INPP4B: variants seen among roughly 807,000 people sequenced by gnomAD.
INPP4B encodes inositol polyphosphate 4-phosphatase type II.
In INPP4B, 55 loss-of-function variants were observed where a neutral mutation model predicts 122.5. That is an observed-to-expected ratio of 0.45 (90% CI 0.36 to 0.56). The LOEUF (loss-of-function observed/expected upper bound fraction) is 0.56, where lower values mean the gene tolerates loss of function less well. Among genes scored for constraint, INPP4B ranks in the 20% least tolerant of loss-of-function variants. The pLI, the probability that INPP4B is intolerant of heterozygous loss-of-function variation, is 0.00. For missense variants in INPP4B, 1,000 were observed against 1,097.7 expected (o/e 0.91, Z 1.26); for synonymous variants, 403 against 388.7 (o/e 1.04, Z -0.43).
At chr4:142,478,440 T>C (rs1820083842) in intron 2 of INPP4B, among the ~76,000 whole-genome samples, 1 of 152,196 alleles carries the variant, frequency 6.6e-6, no homozygotes, top group East Asian at 1.9e-4. Context: ...GGTATTATTT[T>C]ATTATTTTTA....
At chr4:142,553,750 C>T (rs1277365135) in intron 2 of INPP4B, among the ~76,000 whole-genome samples, 1 of 152,184 alleles carries the variant, frequency 6.6e-6, no homozygotes, top group South Asian at 2.1e-4. Context: ...TTCCTGGTCC[C>T]AACCCCCAAA....
chr4:142,508,945 ATAAT>A (rs1286234676), intron 2 of INPP4B, among the ~76,000 whole-genome samples: 1 of 152,194 alleles, frequency 6.6e-6, no homozygotes, highest in Non-Finnish European at 1.5e-5. Flanking sequence ...TCGGCTATAA[ATAAT>A]TAGACTCCTA....
chr4:142,147,598 G>A (rs1811488011), intron 17 of INPP4B, among the ~76,000 whole-genome samples: 1 of 152,152 alleles, frequency 6.6e-6, no homozygotes, highest in Non-Finnish European at 1.5e-5. Flanking sequence ...GCCAAATGCT[G>A]TGTTTTCTAA....
At chr4:142,116,123 A>C (rs1793207133) in intron 21 of INPP4B, among the ~76,000 whole-genome samples, 2 of 152,224 alleles carry the variant, frequency 1.3e-5, no homozygotes, top group South Asian at 2.1e-4. Flanking sequence ...TATCCTAAAT[A>C]TATATGCACC....
rs1264687039 is a variant in INPP4B, at chr4:142,246,086, A to G, written c.689-8075T>C. 2.7e-5 allele frequency among the ~76,000 whole-genome samples: 4 copies of G among 146,826 alleles called. No individual in the cohort carries two copies. The East Asian group carries it at 8.1e-4, about 30-fold the overall frequency. On this transcript the variant is annotated intron_variant, in intron 11 of 25. Transcript: ENST00000262992. ...GTGTGTGTGTATACACACATTATATATATGTGTGTGTGTATACACACATAT... is the reference window on the plus strand; with the variant it reads ...GTGTGTGTGTATACACACATTATATGTATGTGTGTGTGTATACACACATAT...
chr4:142,726,849 G>T (rs558273264), intron 1 of INPP4B, among the ~76,000 whole-genome samples: 1 of 152,260 alleles, frequency 6.6e-6, no homozygotes, highest in Admixed American at 6.5e-5. Flanking sequence ...ATATGGGAAT[G>T]ATATTTTTTC....
intron 2 of INPP4B, among the ~76,000 whole-genome samples, chr4:142,556,719 G>A (rs569914410): frequency 2.0e-5 from 3 of 152,116 alleles, no homozygotes; most frequent in East Asian, 3.9e-4. Flanking sequence ...GAAAAAAAAT[G>A]TTTTAAATCA....
chr4:142,663,497 C>A (rs1195259206), intron 2 of INPP4B, among the ~76,000 whole-genome samples: 1 of 151,966 alleles, frequency 6.6e-6, no homozygotes, highest in Non-Finnish European at 1.5e-5. Flanking sequence ...AAATGGATGA[C>A]ATCTTTAAGA....
At chr4:142,792,264 T>A (rs1001714813) in intron 1 of INPP4B, among the ~76,000 whole-genome samples, 14 of 151,902 alleles carry the variant, frequency 9.2e-5, no homozygotes, top group African/African-American at 3.4e-4. Context: ...TAAATTTTTA[T>A]TATTTTTTAG....
intron 11 of INPP4B, among the ~76,000 whole-genome samples, chr4:142,241,401 C>T (rs1859345231): frequency 6.6e-6 from 1 of 152,068 alleles, no homozygotes; most frequent in Non-Finnish European, 1.5e-5. Flanking sequence ...TTGAGGTCCA[C>T]CCCTTGAGAT....
chr4:142,196,705 A>G (rs903599468), intron 14 of INPP4B, among the ~76,000 whole-genome samples: 1 of 152,100 alleles, frequency 6.6e-6, no homozygotes, highest in Admixed American at 6.6e-5. Flanking sequence ...CGGTTACTCT[A>G]TCTGAAACAC....
intron 23 of INPP4B, among the ~76,000 whole-genome samples, chr4:142,103,732 T>A (rs1422188084): frequency 6.6e-6 from 1 of 152,054 alleles, no homozygotes; most frequent in Non-Finnish European, 1.5e-5. Context: ...TAGAACAGAC[T>A]TTTGCACATA....
At chr4:142,175,553 A>C (rs989173403) in intron 15 of INPP4B, among the ~76,000 whole-genome samples, 7 of 152,074 alleles carry the variant, frequency 4.6e-5, no homozygotes, top group Admixed American at 2.6e-4. Flanking sequence ...AAATGTCAGA[A>C]GTTAGGGGCT....
chr4:142,207,343 A>G (rs1391335331), intron 14 of INPP4B, among the ~76,000 whole-genome samples: 1 of 152,076 alleles, frequency 6.6e-6, no homozygotes, highest in African/African-American at 2.4e-5. Flanking sequence ...CTTTACTTTT[A>G]GTTTTTTTAG....
At chr4:142,583,715 T>C (rs191289242) in intron 2 of INPP4B, 104 of 152,232 alleles carry the variant, frequency 6.8e-4, no homozygotes, top group African/African-American at 2.2e-3. Context: ...ATTTAACAAG[T>C]ATATTGAACT....
chr4:142,136,475 A>G (rs898938956), intron 18 of INPP4B, among the ~76,000 whole-genome samples: 8 of 152,226 alleles, frequency 5.3e-5, no homozygotes, highest in Admixed American at 1.3e-4. Flanking sequence ...TTGGTCTCAC[A>G]CTCACAGCCT....
At chr4:142,145,630 A>G (rs1280280219) in intron 18 of INPP4B, among the ~76,000 whole-genome samples, 3 of 152,176 alleles carry the variant, frequency 2.0e-5, no homozygotes, top group African/African-American at 7.2e-5. Context: ...TAAGAAAAAA[A>G]AAAGAACATT....
At chr4:142,658,261 T>C (rs942679354) in intron 2 of INPP4B, among the ~76,000 whole-genome samples, 9 of 152,224 alleles carry the variant, frequency 5.9e-5, no homozygotes, top group African/African-American at 1.7e-4. Flanking sequence ...ATAGGTGCTC[T>C]TAAATACAGG....
chr4:142,653,447 T>C (rs1263423653), intron 2 of INPP4B, among the ~76,000 whole-genome samples: 1 of 152,136 alleles, frequency 6.6e-6, no homozygotes, highest in South Asian at 2.1e-4. Context: ...ACCTACTGAA[T>C]GGGAGAAAAT....
Sources: gnomAD v4.1 joint callset for allele counts (sites outside exome capture counted in the v4.1 genomes callset) on GRCh38, gnomAD v4.1.1 for gene constraint, MANE v1.5 for transcripts, NCBI Gene and HGNC (gene_info 2026-07-23, HGNC 2026-07-21) for gene names.